The following PLOD1 variants were observed in gnomAD, a reference collection of about 807,000 sequenced individuals.
PLOD1 encodes procollagen-lysine,2-oxoglutarate 5-dioxygenase 1, also known as lysine hydroxylase.
Under a neutral mutation model 94.7 loss-of-function variants are expected in PLOD1, and 70 were observed. The ratio of observed to expected loss-of-function variants is 0.74; its 90% confidence interval spans 0.61 to 0.90. The LOEUF (loss-of-function observed/expected upper bound fraction) is 0.90. Ranked by LOEUF, PLOD1 falls within the 40% of genes least tolerant of loss-of-function variation. The probability of loss-of-function intolerance (pLI) is 0.00; values close to 1 mark genes in which losing one functional copy is unlikely to be tolerated. For synonymous variants in PLOD1, 417 were observed against 400.2 expected, an observed-to-expected ratio of 1.04 and a Z score of -0.50; for missense variants, 905 against 972.7, an observed-to-expected ratio of 0.93 and a Z score of 0.93.
chr1:11,936,016 A>G lies in PLOD1; in HGVS notation c.76+1161A>G, dbSNP rs186854390. On this transcript the variant is annotated intron_variant, in intron 1 of 18. Coordinates refer to ENST00000196061, the MANE Select transcript of PLOD1 (RefSeq NM_000302.4). ...GCTAATTTTTGTATTTTTGGTGGAG[A>G]TGGGGTTTCACCATGTTGGCCAGGC... Among the ~76,000 whole-genome samples the G allele has an allele frequency of 4.4e-3, 675 of 152,028 alleles. 4 individuals are homozygous for G. The highest frequency in any genetic ancestry group is 0.016 in the African/African-American group (648 of 41,452).
Position 11,972,946 on chromosome 1 carries a change from C to A in PLOD1, c.1977C>A (p.Ala659=). ...EQPSLMPHHD[A]STFTINIALN... is the part of the protein sequence containing the mutation. ...CCTCACTGATGCCACACCATGATGC[C>A]TCCACCTTCACCATCAACATCGCCC... Residue 659 remains alanine, a synonymous_variant, in exon 18 of 19, where the codon GCC becomes GCA. Transcript: ENST00000196061. The surrounding 1 kb of genome is among the most constrained non-coding windows in gnomAD (Gnocchi z 4.6). 1 of 1,614,116 alleles carries A rather than the reference C, an allele frequency of 6.2e-7. No individual in the cohort carries two copies. The highest frequency in any genetic ancestry group is 1.1e-5 in the South Asian group (1 of 91,090).
rs1645798538 is a variant in PLOD1, at chr1:11,964,109, C to T, written c.1203-66C>T. ...GAGGGGCACCTACCTCCCCCCATCCCTGGTTAGTGCTGTCTCCTACTCCCA... is the reference window on the plus strand; with the variant it reads ...GAGGGGCACCTACCTCCCCCCATCCTTGGTTAGTGCTGTCTCCTACTCCCA... On this transcript the variant is annotated intron_variant, in intron 11 of 18. Transcript: ENST00000196061. 2.6e-6 allele frequency: 4 copies of T among 1,536,702 alleles called. No homozygotes were observed. The East Asian group carries it at 9.0e-5, about 35-fold the overall frequency.
chr1:11,956,410 C>CA (rs1645738181), intron 6 of PLOD1, among the ~76,000 whole-genome samples: 1 of 152,088 alleles, frequency 6.6e-6, no homozygotes, highest in Non-Finnish European at 1.5e-5. Flanking sequence ...AAAACACACA[C>CA]AAAAAACATG....
At position 11,948,027 on chromosome 1, in the gene PLOD1, G is replaced by T; in HGVS notation, c.128G>T (p.Arg43Leu). 6.2e-7 allele frequency: 1 copy of T among 1,613,918 alleles called. No individual in the cohort carries two copies. The highest frequency in any genetic ancestry group is 8.5e-7 in the Non-Finnish European group (1 of 1,179,826). The change falls in exon 2 of 19, where the codon CGC (arginine) becomes CTC (leucine). Residue 43 changes from arginine to leucine, a missense_variant. Arg to Leu is a moderately radical substitution (Grantham distance 102). Transcript: ENST00000196061. ...ACTAAGGAGACCGAGGGATTCCGTC[G>T]CTTCAAGCGCTCAGCTCAGTTCTTC... Reference protein sequence around the residue: ...VATKETEGFRRFKRSAQFFNY... With the variant: ...VATKETEGFRLFKRSAQFFNY...
intron 2 of PLOD1, among the ~76,000 whole-genome samples, chr1:11,948,938 G>A (rs574261916): frequency 6.6e-6 from 1 of 152,144 alleles, no homozygotes; most frequent in Non-Finnish European, 1.5e-5. Flanking sequence ...CTTACACAGA[G>A]CTTGCAATCT....
chr1:11,949,978 C>T, intron 3 of PLOD1, 72 bp downstream of exon 3: 2 of 1,503,838 alleles, frequency 1.3e-6, no homozygotes. Context: ...ATGAGGCCCT[C>T]CCAGAACATC....
At chr1:11,944,788 C>A in intron 1 of PLOD1, 1 of 643,606 alleles carries the variant, frequency 1.6e-6, no homozygotes, top group Non-Finnish European at 2.3e-6. Context: ...GGGGCCAGCT[C>A]CCTGCCCCGG....
At chr1:11,964,082 T>A (rs1004198127) in intron 11 of PLOD1, 93 bp from the exon 12 acceptor site, 44 of 1,295,324 alleles carry the variant, frequency 3.4e-5, no homozygotes, top group Non-Finnish European at 4.8e-5. Context: ...TGCGTGCAGG[T>A]TGAGGGGCAC....
rs1192408221 is a variant in PLOD1, at chr1:11,952,746, G to A, written c.579+11G>A. 2.5e-6 allele frequency: 4 copies of A among 1,591,274 alleles called. No homozygotes were observed. Among genetic ancestry groups the A allele is most frequent in the Admixed American group, 1.7e-5 (1 of 59,964 alleles). On this transcript the variant is annotated intron_variant, in intron 5 of 18. Coordinates refer to ENST00000196061, the MANE Select transcript of PLOD1 (RefSeq NM_000302.4). ...GACCCGGAGAAGAGGGTAAGAGGCA[G>A]TGGGCGGGCCAAGGAGAGGGGGCTG...
intron 1 of PLOD1, among the ~76,000 whole-genome samples, chr1:11,938,025 G>A (rs140737863): frequency 0.025 from 3,763 of 149,264 alleles, 155 homozygotes; most frequent in African/African-American, 0.088. Flanking sequence ...CGATCTCAGC[G>A]CACTGCAGCC....
intron 1 of PLOD1, among the ~76,000 whole-genome samples, chr1:11,940,964 G>C (rs1645611069): frequency 6.6e-6 from 1 of 152,150 alleles, no homozygotes; most frequent in South Asian, 2.1e-4. Flanking sequence ...TTAGGATGTT[G>C]GGCTCTTGGA....
intron 18 of PLOD1, 32 bp from the exon 19 acceptor site, chr1:11,974,621 G>A (rs1414539853): frequency 1.2e-6 from 2 of 1,604,114 alleles, no homozygotes; most frequent in African/African-American, 2.7e-5. Context: ...GGGGGCGGTG[G>A]GGAAAGGCCA....
rs566740458 is a variant in PLOD1, at chr1:11,940,557, G to A, written c.76+5702G>A. On this transcript the variant is annotated intron_variant, in intron 1 of 18. Coordinates refer to ENST00000196061, the MANE Select transcript of PLOD1 (RefSeq NM_000302.4). ...TTCCCATTTTACAGATGAGAAAACT[G>A]AGGCACGGAGAGGCTAAATTCCCTG... Among the ~76,000 whole-genome samples the A allele has an allele frequency of 5.9e-5, 9 of 152,316 alleles. No individual in the cohort carries two copies. In the South Asian group the frequency reaches 1.5e-3, roughly 25 times the overall value.
At chr1:11,949,992 G>A in intron 3 of PLOD1, 86 bp downstream of exon 3, 3 of 1,376,748 alleles carry the variant, frequency 2.2e-6, no homozygotes, top group South Asian at 2.3e-5. Context: ...GAACATCGGG[G>A]AAGAAGGGGG....
At chr1:11,960,614 C>T in intron 9 of PLOD1, 32 bp from the exon 10 acceptor site, 1 of 1,448,442 alleles carries the variant, frequency 6.9e-7, no homozygotes, top group Non-Finnish European at 9.7e-7. Context: ...TCCTCCTCAC[C>T]CCCGCATCCC....
chr1:11,964,323 T>TGGGGGGGGGGGG, intron 12 of PLOD1, 23 bp downstream of exon 12: 3 of 274,724 alleles, frequency 1.1e-5, no homozygotes, highest in Non-Finnish European at 2.2e-5. Flanking sequence ...AGGGTGGGGG[T>TGGGGGGGGGGGG]GGGTGGGGGA....
At chr1:11,967,955 A>ATT (rs550083636) in intron 16 of PLOD1, among the ~76,000 whole-genome samples, 4 of 139,032 alleles carry the variant, frequency 2.9e-5, no homozygotes, top group Admixed American at 7.3e-5. Flanking sequence ...GTGTGTGTAA[A>ATT]TTTTTTTTTT....
intron 10 of PLOD1, among the ~76,000 whole-genome samples, chr1:11,961,600 T>C (rs1433344328): frequency 1.3e-5 from 2 of 152,152 alleles, no homozygotes; most frequent in African/African-American, 4.8e-5. Context: ...AATTTGACTT[T>C]CATGTCATTT....
intron 13 of PLOD1, among the ~76,000 whole-genome samples, chr1:11,965,112 C>T (rs1396743364): frequency 6.6e-6 from 1 of 151,760 alleles, no homozygotes; most frequent in Non-Finnish European, 1.5e-5. Context: ...AGAGACACCT[C>T]ACCCTGTCTC....
Sources: allele counts gnomAD v4.1 joint callset (sites outside exome capture counted in the v4.1 genomes callset), GRCh38; gene constraint gnomAD v4.1.1; non-coding constraint Gnocchi (gnomAD v3.1); transcripts MANE v1.5; gene names NCBI Gene and HGNC (gene_info 2026-07-23, HGNC 2026-07-21).